CREB3L2: variants seen among roughly 807,000 people sequenced by gnomAD.
The protein encoded by CREB3L2 is cyclic AMP-responsive element-binding protein 3-like protein 2.
CREB3L2 carries 23 observed loss-of-function variants against 57.2 expected under a neutral mutation model. The ratio of observed to expected loss-of-function variants is 0.40; its 90% CI spans 0.29 to 0.57. The LOEUF is 0.57. CREB3L2 is among the 20% of genes least tolerant of loss of function. The probability of loss-of-function intolerance (pLI) is 0.42; values close to 1 mark genes in which losing one functional copy is unlikely to be tolerated. For synonymous variants in CREB3L2, 268 were observed against 265.1 expected (o/e 1.01, Z -0.11); for missense variants, 628 against 634.7 (o/e 0.99, Z 0.11).
At chr7:137,963,709 A>C (rs954648921) in intron 1 of CREB3L2, among the ~76,000 whole-genome samples, 1 of 152,310 alleles carries the variant, frequency 6.6e-6, no homozygotes, top group African/African-American at 2.4e-5. Context: ...GGATCTTTTG[A>C]AATCTTGAAA....
At position 137,880,632 on chromosome 7, in the gene CREB3L2, T is replaced by TGAATGATTG; in HGVS notation, c.1488-82_1488-81insCAATCATTC. 1 of 1,148,210 alleles carries TGAATGATTG rather than the reference T, an allele frequency of 8.7e-7. No individual in the cohort carries two copies. Among genetic ancestry groups the TGAATGATTG allele is most frequent in the Non-Finnish European group, 1.3e-6 (1 of 765,594 alleles). 71.1% of individuals were successfully genotyped at this position (1,148,210 alleles called of 1,614,324 possible). ...TCTCATGCTTTGTAGCGTGATGCAATCATTCAGGGGTTGCAACTTGGTGAG... is the reference window on the plus strand; with the variant it reads ...TCTCATGCTTTGTAGCGTGATGCAATGAATGATTGCATTCAGGGGTTGCAACTTGGTGAG... On this transcript the variant is annotated intron_variant, in intron 11 of 11. Coordinates refer to ENST00000330387, the MANE Select transcript of CREB3L2 (RefSeq NM_194071.4). The surrounding 1 kb of genome is among the most constrained non-coding windows in gnomAD (Gnocchi z 4.0).
chr7:137,875,826 G>A lies in CREB3L2; in HGVS notation c.*4650C>T. ...CACAGCACGCAACACCCTAGTAAAT[G>A]CTCAAGAAATATTATTTCCCTTCCT... is the stretch of plus-strand genomic sequence containing the variant. On this transcript the variant is annotated 3_prime_UTR_variant, in exon 12 of 12. Coordinates refer to ENST00000330387, the MANE Select transcript of CREB3L2 (RefSeq NM_194071.4). 4.5e-6 allele frequency: 1 copy of A among 224,280 alleles called. No individual in the cohort carries two copies. The highest frequency in any genetic ancestry group is 8.9e-6 in the Non-Finnish European group (1 of 112,416). The allele number at this position is 224,280 out of a possible 1,614,324, so 13.9% of individuals were successfully genotyped here.
intron 10 of CREB3L2, among the ~76,000 whole-genome samples, chr7:137,883,061 G>T (rs10228244): frequency 0.11 from 16,202 of 152,198 alleles, 1,982 homozygotes; most frequent in East Asian, 0.28. Context: ...ATTTAGAAAG[G>T]GAAGAGGAGA....
chr7:137,908,300 G>C lies in CREB3L2; in HGVS notation c.720C>G (p.Pro240=). The part of the protein sequence containing the change: ...PQTHSPSRAA[P]RAPSALSSSP... ...AGCTGGAGAGGGCGGAGGGGGCCCG[G>C]GGTGCAGCTCTGGAGGGGCTGTGGG... The change falls in exon 5 of 12, where the codon CCC becomes CCG. Residue 240 remains proline, a synonymous_variant. Coordinates refer to ENST00000330387, the MANE Select transcript of CREB3L2 (RefSeq NM_194071.4). 4 of 1,257,898 alleles carry C rather than the reference G, an allele frequency of 3.2e-6. No individual in the cohort carries two copies. Among genetic ancestry groups the C allele is most frequent in the Non-Finnish European group, 4.0e-6 (4 of 992,264 alleles). The allele number at this position is 1,257,898 out of a possible 1,614,324, so 77.9% of individuals were successfully genotyped here.
chr7:137,890,458 T>A (rs540661096), intron 8 of CREB3L2, among the ~76,000 whole-genome samples: 1 of 152,302 alleles, frequency 6.6e-6, no homozygotes, highest in South Asian at 2.1e-4. Flanking sequence ...TCAGGAGGAT[T>A]GGCTCTAAAG....
At chr7:137,954,730 AGAG>A (rs1585655466) in intron 1 of CREB3L2, among the ~76,000 whole-genome samples, 3 of 152,288 alleles carry the variant, frequency 2.0e-5, no homozygotes, top group South Asian at 2.1e-4. Flanking sequence ...AGAGGAGGTA[AGAG>A]GAGAAGAGGA....
chr7:137,922,411 T>TATATATATAC (rs1800324993), intron 2 of CREB3L2, among the ~76,000 whole-genome samples: 2 of 24,450 alleles, frequency 8.2e-5, no homozygotes, highest in African/African-American at 4.2e-4. Flanking sequence ...TATATATATA[T>TATATATATAC]ATATGTATAT....
chr7:137,946,846 ATATAGTTATC>A lies in CREB3L2; in HGVS notation c.103-18490_103-18481del, dbSNP rs1183938322. Reference sequence around the variant, plus strand: ...TATAGTTATCTATATATAGTTATCTATATAGTTATCTATATAGTTATATATATAGTTATCT... The same window carrying A: ...TATAGTTATCTATATATAGTTATCTATATATAGTTATATATATAGTTATCT... On this transcript the variant is annotated intron_variant, in intron 1 of 11. Transcript: ENST00000330387. Among the ~76,000 whole-genome samples, 232 of 46,616 alleles carry A rather than the reference ATATAGTTATC, an allele frequency of 5.0e-3. 17 individuals carry two copies. The highest frequency in any genetic ancestry group is 0.018 in the African/African-American group (215 of 12,010). The allele number at this position is 46,616 out of a possible 152,430, so 30.6% of individuals were successfully genotyped here.
intron 8 of CREB3L2, among the ~76,000 whole-genome samples, chr7:137,895,857 A>AC (rs1799619189): frequency 6.6e-6 from 1 of 151,824 alleles, no homozygotes; most frequent in Middle Eastern, 3.4e-3. Context: ...AGGCCTCTCC[A>AC]CCCCCCATTT....
At position 137,949,175 on chromosome 7, in the gene CREB3L2, C is replaced by T. The variant is rs113247700; in HGVS notation, c.103-20809G>A. Among the ~76,000 whole-genome samples, 1,138 of 152,322 alleles carry T rather than the reference C, an allele frequency of 7.5e-3. 7 individuals are homozygous for T. The highest frequency in any genetic ancestry group is 0.012 in the Non-Finnish European group (803 of 68,032). On this transcript the variant is annotated intron_variant, in intron 1 of 11. Coordinates refer to ENST00000330387, the MANE Select transcript of CREB3L2 (RefSeq NM_194071.4). Reference sequence around the variant, plus strand: ...CAAATGCCAGCTATCAAAGTGCAAACGGAAATAGCCACTTGGACCTGGAGT... The same window carrying T: ...CAAATGCCAGCTATCAAAGTGCAAATGGAAATAGCCACTTGGACCTGGAGT...
intron 1 of CREB3L2, chr7:137,935,928 GC>G (rs1399182129): frequency 2.1e-6 from 2 of 945,638 alleles, no homozygotes; most frequent in East Asian, 2.3e-4. Flanking sequence ...TGCCAAAGTA[GC>G]TTGCAAGGAA....
At chr7:137,975,713 C>T (rs947615954) in intron 1 of CREB3L2, among the ~76,000 whole-genome samples, 13 of 151,596 alleles carry the variant, frequency 8.6e-5, no homozygotes, top group South Asian at 2.1e-4. Flanking sequence ...AGTTAGAGCC[C>T]GAAACTAAAT....
At chr7:137,942,191 T>C (rs1800891593) in intron 1 of CREB3L2, among the ~76,000 whole-genome samples, 1 of 152,238 alleles carries the variant, frequency 6.6e-6, no homozygotes, top group Admixed American at 6.5e-5. Flanking sequence ...TAGGCAAACT[T>C]CTCATTCAAA....
At chr7:137,969,761 AACACACAC>A (rs66931280) in intron 1 of CREB3L2, among the ~76,000 whole-genome samples, 1 of 103,552 alleles carries the variant, frequency 9.7e-6, no homozygotes, top group Non-Finnish European at 2.3e-5. Context: ...AGGGTCATCA[AACACACAC>A]ACACACACAC....
chr7:137,883,823 G>T (rs1424165855), intron 10 of CREB3L2, among the ~76,000 whole-genome samples: 2 of 152,174 alleles, frequency 1.3e-5, no homozygotes, highest in Non-Finnish European at 2.9e-5. Flanking sequence ...CTCAGATAAG[G>T]GGGGACTACT....
At position 137,876,331 on chromosome 7, in the gene CREB3L2, CGT is replaced by C. The variant is rs10534110; in HGVS notation, c.*4143_*4144del. On this transcript the variant is annotated 3_prime_UTR_variant, in exon 12 of 12. Transcript: ENST00000330387. ...TGAGCATGTAAGGGAGGAATGTGCA[CGT>C]GTGTGTGTGTGTGTGTGTGTGTGTG... 97,672 of 221,474 alleles carry C rather than the reference CGT, an allele frequency of 0.44. 15,767 individuals carry two copies. The highest frequency in any genetic ancestry group is 0.53 in the Admixed American group (8,876 of 16,874). 13.7% of individuals were successfully genotyped at this position (221,474 alleles called of 1,614,324 possible). A position where few individuals can be genotyped will look rare whatever the true frequency, so the allele number is the denominator to read the frequency against.
At chr7:137,945,372 A>G (rs1347715168) in intron 1 of CREB3L2, among the ~76,000 whole-genome samples, 1 of 152,194 alleles carries the variant, frequency 6.6e-6, no homozygotes, top group Non-Finnish European at 1.5e-5. Flanking sequence ...GGGAGGAAAA[A>G]AGCATTTGCT....
chr7:137,895,803 C>T (rs527416649), intron 8 of CREB3L2, among the ~76,000 whole-genome samples: 2 of 152,288 alleles, frequency 1.3e-5, no homozygotes, highest in African/African-American at 2.4e-5. Flanking sequence ...GAAACAGCCA[C>T]TCACCTTCCC....
intron 1 of CREB3L2, among the ~76,000 whole-genome samples, chr7:137,929,910 T>G (rs1800577993): frequency 1.3e-5 from 2 of 151,096 alleles, no homozygotes; most frequent in Admixed American, 1.3e-4. Context: ...AAATAATTTT[T>G]TTTTTGAGAC....
Sources: allele counts gnomAD v4.1 joint callset (sites outside exome capture counted in the v4.1 genomes callset), GRCh38; gene constraint gnomAD v4.1.1; non-coding constraint Gnocchi (gnomAD v3.1); transcripts MANE v1.5; gene names NCBI Gene and HGNC (gene_info 2026-07-23, HGNC 2026-07-21).